The following RASL10A variants were observed in gnomAD, a reference collection of about 807,000 sequenced individuals.
The protein encoded by RASL10A is ras-like protein family member 10A.
In RASL10A, 13 loss-of-function variants were observed where a neutral mutation model predicts 17.3. The ratio of observed to expected loss-of-function variants is 0.75; its 90% CI spans 0.49 to 1.20. The LOEUF (loss-of-function observed/expected upper bound fraction) is 1.20, where lower values mean the gene tolerates loss of function less well. Among genes scored for constraint, RASL10A ranks in the 50% most tolerant of loss-of-function variants. The pLI is 0.00. For synonymous variants in RASL10A, 159 were observed against 142.2 expected, an observed-to-expected ratio of 1.12 and a Z score of -0.84; for missense variants, 307 against 310.3, an observed-to-expected ratio of 0.99 and a Z score of 0.08.
upstream of RASL10A, among the ~76,000 whole-genome samples, chr22:29,318,554 G>C (rs1171288289): frequency 6.6e-6 from 1 of 152,226 alleles, no homozygotes; most frequent in Non-Finnish European, 1.5e-5. Flanking sequence ...GCTGAAATGA[G>C]CTCTAATGGG....
At chr22:29,318,492 G>A (rs1290665961), upstream of RASL10A, among the ~76,000 whole-genome samples, 2 of 152,210 alleles carry the variant, frequency 1.3e-5, no homozygotes, top group East Asian at 1.9e-4. Context: ...GCCCCCTGTC[G>A]GGAGGGACTT....
Position 29,313,046 on chromosome 22 carries a change from C to A in RASL10A, c.*255G>T. The A allele has an allele frequency of 2.3e-6, 1 of 431,222 alleles. No homozygotes were observed. Among genetic ancestry groups the A allele is most frequent in the Non-Finnish European group, 4.0e-6 (1 of 248,538 alleles). 26.7% of individuals were successfully genotyped at this position (431,222 alleles called of 1,614,324 possible). On this transcript the variant is annotated 3_prime_UTR_variant, in exon 3 of 3. Coordinates refer to ENST00000216101, the MANE Select transcript of RASL10A (RefSeq NM_006477.5). Reference sequence around the variant, plus strand: ...AGTCAAGTTCATAGCCAAGTCCTTTCCATCCAATGGGATTGTGACCCATTG... The same window carrying A: ...AGTCAAGTTCATAGCCAAGTCCTTTACATCCAATGGGATTGTGACCCATTG...
chr22:29,316,857 G>A (rs78148562), upstream of RASL10A: 2 of 151,218 alleles, frequency 1.3e-5, no homozygotes, highest in African/African-American at 2.5e-5. Context: ...AAAAAAAAAA[G>A]TTCTGCTTTG....
chr22:29,313,457 C>G lies in RASL10A; in HGVS notation c.456G>C (p.Trp152Cys). Reference sequence around the variant, plus strand: ...CGGAGCACTCGAGGTAGCCGCAGCGCCAGCCCCTGCGCACTAGGGCGGCCA... The same window carrying G: ...CGGAGCACTCGAGGTAGCCGCAGCGGCAGCCCCTGCGCACTAGGGCGGCCA... Reference protein sequence around the residue: ...RALAALVRRGWRCGYLECSAK... With the variant: ...RALAALVRRGCRCGYLECSAK... The change falls in exon 3 of 3, where the codon TGG becomes TGC. Residue 152 changes from tryptophan (W) to cysteine (C), a missense_variant. Coordinates refer to ENST00000216101, the MANE Select transcript of RASL10A (RefSeq NM_006477.5). 6.5e-7 allele frequency: 1 copy of G among 1,544,072 alleles called. No individual in the cohort carries two copies. Among genetic ancestry groups the G allele is most frequent in the Non-Finnish European group, 8.7e-7 (1 of 1,150,092 alleles).
chr22:29,316,019 G>C (rs2061452384), upstream of RASL10A, among the ~76,000 whole-genome samples: 1 of 152,218 alleles, frequency 6.6e-6, no homozygotes, highest in Admixed American at 6.5e-5. Flanking sequence ...CGAATTGGGG[G>C]GGGCGGCTGT....
Position 29,315,303 on chromosome 22 carries a change from C to T in RASL10A, c.-57G>A, listed in dbSNP as rs1440755457. ...AAAGCCTCATGGGCCGGCGCCGCAC[C>T]GTGCGCCCCCAGGCCGTGCGCCCCG... On this transcript the variant is annotated 5_prime_UTR_variant, in exon 1 of 3. Coordinates refer to ENST00000216101, the MANE Select transcript of RASL10A (RefSeq NM_006477.5). The surrounding 1 kb of genome is among the most constrained non-coding windows in gnomAD (Gnocchi z 5.5). 1.6e-6 allele frequency: 2 copies of T among 1,282,430 alleles called. No individual in the cohort carries two copies. The highest frequency in any genetic ancestry group is 3.2e-5 in the East Asian group (1 of 31,404). The allele number at this position is 1,282,430 out of a possible 1,614,324, so 79.4% of individuals were successfully genotyped here. A position where few individuals can be genotyped will look rare whatever the true frequency, so the allele number is the denominator to read the frequency against.
At position 29,315,172 on chromosome 22, in the gene RASL10A, C is replaced by G; in HGVS notation, c.75G>C (p.Leu25=). ...GGTGGCGCTCGGGGTAGTCACCGAACAGGAACTGGCGGATGATGGCCGTCT... is the reference window on the plus strand; with the variant it reads ...GGTGGCGCTCGGGGTAGTCACCGAAGAGGAACTGGCGGATGATGGCCGTCT... ...VGKTAIIRQF[L]FGDYPERHRP... The change falls in exon 1 of 3, where the codon CTG becomes CTC. Residue 25 remains leucine (L), a synonymous_variant. Transcript: ENST00000216101. This position sits in a 1 kb window ranked among gnomAD's most constrained non-coding sequence, Gnocchi z 5.5. 1 of 1,540,968 alleles carries G rather than the reference C, an allele frequency of 6.5e-7. No homozygotes were observed. The highest frequency in any genetic ancestry group is 8.7e-7 in the Non-Finnish European group (1 of 1,150,316).
In RASL10A at chr22:29,315,341, G is replaced by T. The variant is rs2061447499; in HGVS notation, c.-95C>A. On this transcript the variant is annotated 5_prime_UTR_variant, in exon 1 of 3. Coordinates refer to ENST00000216101, the MANE Select transcript of RASL10A (RefSeq NM_006477.5). This position sits in a 1 kb window ranked among gnomAD's most constrained non-coding sequence, Gnocchi z 5.5. ...GCCGTGCGCCCCGCGCGCCCTGCCC[G>T]GTGCGCCACGGCCCCGTCGCGCTTC... is the stretch of plus-strand genomic sequence containing the variant. The T allele has an allele frequency of 1.3e-6, 1 of 790,712 alleles. No individual in the cohort carries two copies. The allele number at this position is 790,712 out of a possible 1,614,324, so 49.0% of individuals were successfully genotyped here. A position where few individuals can be genotyped will look rare whatever the true frequency, so the allele number is the denominator to read the frequency against.
chr22:29,316,972 G>C (rs1179852613), upstream of RASL10A: 1 of 152,270 alleles, frequency 6.6e-6, no homozygotes, highest in African/African-American at 2.4e-5. Flanking sequence ...TGAAGGGGGA[G>C]GAGGCACATC....
chr22:29,316,060 G>A (rs73156525), upstream of RASL10A, among the ~76,000 whole-genome samples: 10,601 of 152,282 alleles, frequency 0.07, 500 homozygotes, highest in Non-Finnish European at 0.11. Flanking sequence ...GCACTGCGCT[G>A]GGTCTGCGCT....
chr22:29,315,983 C>T (rs558545312), upstream of RASL10A, among the ~76,000 whole-genome samples: 1 of 152,346 alleles, frequency 6.6e-6, no homozygotes, highest in South Asian at 2.1e-4. This position sits in a 1 kb window ranked among gnomAD's most constrained non-coding sequence, Gnocchi z 5.5. Flanking sequence ...CAAGCCCCGG[C>T]CCCCGGAGTC....
chr22:29,315,232 C>A lies in RASL10A; in HGVS notation c.15G>T (p.Leu5=). 2 of 1,508,808 alleles carry A rather than the reference C, an allele frequency of 1.3e-6. No individual in the cohort carries two copies. The highest frequency in any genetic ancestry group is 1.4e-5 in the African/African-American group (1 of 69,300). The allele number at this position is 1,508,808 out of a possible 1,614,324, so 93.5% of individuals were successfully genotyped here. A position where few individuals can be genotyped will look rare whatever the true frequency, so the allele number is the denominator to read the frequency against. ...CCGGGGCGCCTAGAACGGCCACCCG[C>A]AGGCTACCCCCCATGGCCGGCCGGC... is the stretch of plus-strand genomic sequence containing the variant. MGGS[L]RVAVLGAPGV... is the part of the protein sequence containing the mutation. The change falls in exon 1 of 3, where the codon CTG becomes CTT. Residue 5 remains leucine, a synonymous_variant. Coordinates refer to ENST00000216101, the MANE Select transcript of RASL10A (RefSeq NM_006477.5). The surrounding 1 kb of genome is among the most constrained non-coding windows in gnomAD (Gnocchi z 5.5).
intron 1 of RASL10A, 116 bp from the exon 2 acceptor site, chr22:29,314,103 T>G: frequency 1.4e-6 from 2 of 1,382,046 alleles, no homozygotes; most frequent in Non-Finnish European, 1.9e-6. Context: ...TACAGACCTC[T>G]GTGCCCCTCC....
chr22:29,316,002 C>T (rs1194374333), upstream of RASL10A, among the ~76,000 whole-genome samples: 1 of 152,194 alleles, frequency 6.6e-6, no homozygotes, highest in African/African-American at 2.4e-5. Flanking sequence ...TCAGGCCGCC[C>T]GGGGTCCGAA....
chr22:29,313,099 A>G lies in RASL10A; in HGVS notation c.*202T>C. ...GTCCCAGAAAGGACTGGTCATCTCC[A>G]ATGGAGCTTGGGACCTGGTTGGGTC... On this transcript the variant is annotated 3_prime_UTR_variant, in exon 3 of 3. Transcript: ENST00000216101. 1.7e-6 allele frequency: 1 copy of G among 588,910 alleles called. No homozygotes were observed. Among genetic ancestry groups the G allele is most frequent in the South Asian group, 3.5e-5 (1 of 28,860 alleles). The allele number at this position is 588,910 out of a possible 1,614,324, so 36.5% of individuals were successfully genotyped here.
rs1358194788 is a variant in RASL10A, at chr22:29,315,397, A to AG, written c.-152dup. On this transcript the variant is annotated 5_prime_UTR_variant, in exon 1 of 3. Coordinates refer to ENST00000216101, the MANE Select transcript of RASL10A (RefSeq NM_006477.5). The surrounding 1 kb of genome is among the most constrained non-coding windows in gnomAD (Gnocchi z 5.5). The stretch of plus-strand genomic sequence containing the variant: ...GCCCCTCGGAGCACCGAGACCGGAG[A>AG]GGGCAGGCCCGAGGCAGGAGCTGGC... 5 of 403,650 alleles carry AG rather than the reference A, an allele frequency of 1.2e-5. 2 individuals are homozygous for AG. In the East Asian group the frequency reaches 2.5e-4, roughly 20 times the overall value. The allele number at this position is 403,650 out of a possible 1,614,324, so 25.0% of individuals were successfully genotyped here. A position where few individuals can be genotyped will look rare whatever the true frequency, so the allele number is the denominator to read the frequency against.
chr22:29,313,714 G>T, intron 2 of RASL10A, 146 bp from the exon 3 acceptor site: 1 of 1,439,400 alleles, frequency 6.9e-7, no homozygotes, highest in Non-Finnish European at 9.2e-7. Context: ...GCCCATGTGG[G>T]CCAAAGAGCA....
chr22:29,313,639 C>G lies in RASL10A; in HGVS notation c.345-71G>C, dbSNP rs986877308. On this transcript the variant is annotated intron_variant, in intron 2 of 2. Transcript: ENST00000216101. ...AGAATTCCCCCAGTGGGTATACACA[C>G]GCAGGCGCATTCCCTTCCTACGGCC... The G allele has an allele frequency of 1.0e-4, 149 of 1,451,904 alleles. 2 individuals are homozygous for G. The South Asian group carries it at 2.0e-3, about 20-fold the overall frequency. The allele number at this position is 1,451,904 out of a possible 1,614,324, so 89.9% of individuals were successfully genotyped here.
In RASL10A at chr22:29,315,515, C is replaced by T. The variant is rs2061448833; in HGVS notation, c.-269G>A. ...GCCGAAGCTCGAGAGAGAGCAGAGC[C>T]GGAGCGGCGCTCAGACACCGCCTCC... On this transcript the variant is annotated 5_prime_UTR_variant, in exon 1 of 3. Transcript: ENST00000216101. This position sits in a 1 kb window ranked among gnomAD's most constrained non-coding sequence, Gnocchi z 5.5. 4.6e-6 allele frequency: 1 copy of T among 218,442 alleles called. No individual in the cohort carries two copies. Among genetic ancestry groups the T allele is most frequent in the Non-Finnish European group, 8.9e-6 (1 of 112,412 alleles). 13.5% of individuals were successfully genotyped at this position (218,442 alleles called of 1,614,324 possible).
Sources: gnomAD v4.1 joint callset for allele counts (sites outside exome capture counted in the v4.1 genomes callset) on GRCh38, gnomAD v4.1.1 for gene constraint, Gnocchi (gnomAD v3.1) non-coding constraint, MANE v1.5 for transcripts, NCBI Gene and HGNC (gene_info 2026-07-23, HGNC 2026-07-21) for gene names.